HUNK: variants seen among roughly 807,000 people sequenced by gnomAD.
The protein encoded by HUNK is hormonally up-regulated Neu-associated kinase, also known as hormonally up-regulated neu tumor-associated kinase.
A neutral mutation model predicts 61.0 loss-of-function variants in HUNK; 21 were observed. That is an observed-to-expected ratio of 0.34 (90% CI 0.24 to 0.50). HUNK has a LOEUF of 0.50. HUNK is among the 20% of genes least tolerant of loss of function. HUNK has a pLI of 0.98. For missense variants in HUNK, 772 were observed against 945.7 expected (o/e 0.82, Z 2.41); for synonymous variants, 371 against 386.1 (o/e 0.96, Z 0.46).
chr21:31,900,451 A>ACACACACG (rs1380116386), intron 1 of HUNK, among the ~76,000 whole-genome samples: 1 of 150,782 alleles, frequency 6.6e-6, no homozygotes, highest in Non-Finnish European at 1.5e-5. Context: ...ACTGAAACAC[A>ACACACACG]CACACACACA....
At chr21:31,911,921 A>T (rs2052548210) in intron 1 of HUNK, among the ~76,000 whole-genome samples, 1 of 37,794 alleles carries the variant, frequency 2.6e-5, no homozygotes, top group Non-Finnish European at 4.8e-5. Flanking sequence ...GCTGGACGGC[A>T]AGCAGGGACG....
chr21:31,892,606 A>AT (rs1397709653), intron 1 of HUNK, among the ~76,000 whole-genome samples: 5 of 151,890 alleles, frequency 3.3e-5, no homozygotes, highest in Non-Finnish European at 7.4e-5. Flanking sequence ...AGAAAAAAAA[A>AT]GAAATGGTAG....
intron 1 of HUNK, among the ~76,000 whole-genome samples, chr21:31,916,427 G>T (rs1185596877): frequency 6.6e-6 from 1 of 152,012 alleles, no homozygotes; most frequent in Non-Finnish European, 1.5e-5. Context: ...GTGCATTACT[G>T]GGCCTGGGTG....
intron 4 of HUNK, among the ~76,000 whole-genome samples, chr21:31,954,246 C>CG (rs2052872442): frequency 6.6e-6 from 1 of 152,180 alleles, no homozygotes; most frequent in Non-Finnish European, 1.5e-5. Flanking sequence ...GGACAGGAAG[C>CG]TAGGTGTGCC....
chr21:31,983,908 A>T (rs1261568269), intron 8 of HUNK, among the ~76,000 whole-genome samples: 1 of 152,126 alleles, frequency 6.6e-6, no homozygotes, highest in Non-Finnish European at 1.5e-5. Flanking sequence ...GGGTATCAGG[A>T]GTTTTTAAAG....
chr21:31,982,425 A>G (rs987701903), intron 7 of HUNK, among the ~76,000 whole-genome samples: 3 of 152,216 alleles, frequency 2.0e-5, no homozygotes, highest in Non-Finnish European at 4.4e-5. Context: ...TATTAATTTT[A>G]TCAACCAATT....
At chr21:31,937,456 A>AT (rs1265898376) in intron 2 of HUNK, among the ~76,000 whole-genome samples, 4 of 152,262 alleles carry the variant, frequency 2.6e-5, no homozygotes, top group Admixed American at 2.0e-4. Context: ...ATTTATGGAG[A>AT]TTTTAAATGG....
At chr21:31,957,009 A>AT (rs769645948) in intron 4 of HUNK, among the ~76,000 whole-genome samples, 5 of 152,128 alleles carry the variant, frequency 3.3e-5, no homozygotes, top group Non-Finnish European at 7.3e-5. Flanking sequence ...CCAGCCAAAG[A>AT]CACATGAGCT....
In HUNK at chr21:31,924,413, G is replaced by A. The variant is rs1374581829; in HGVS notation, c.262-55G>A. 6.6e-7 allele frequency: 1 copy of A among 1,522,426 alleles called. No individual in the cohort carries two copies. Among genetic ancestry groups the A allele is most frequent in the Non-Finnish European group, 8.9e-7 (1 of 1,123,296 alleles). 94.3% of individuals were successfully genotyped at this position (1,522,426 alleles called of 1,614,324 possible). A position where few individuals can be genotyped will look rare whatever the true frequency, so the allele number is the denominator to read the frequency against. On this transcript the variant is annotated intron_variant, in intron 1 of 10. Transcript: ENST00000270112. The surrounding 1 kb of genome is among the most constrained non-coding windows in gnomAD (Gnocchi z 5.1). The stretch of plus-strand genomic sequence containing the variant: ...TCTTGGGTTCCTGTGAGTAGCCAAG[G>A]CATCGCTATTGTCTGTAATGTCTGA...
intron 7 of HUNK, among the ~76,000 whole-genome samples, chr21:31,980,071 G>GTTTA (rs1329014314): frequency 1.4e-5 from 2 of 145,418 alleles, no homozygotes; most frequent in African/African-American, 5.0e-5. Context: ...TTGTTTGTTT[G>GTTTA]TTTATTTATT....
At chr21:31,878,008 C>T (rs2052277793) in intron 1 of HUNK, among the ~76,000 whole-genome samples, 1 of 152,114 alleles carries the variant, frequency 6.6e-6, no homozygotes, top group Non-Finnish European at 1.5e-5. Flanking sequence ...CCTGTAATCC[C>T]AGCACTTTGG....
In HUNK at chr21:32,003,895, C is replaced by G. The variant is rs1036279143; in HGVS notation, c.*4711C>G. 3 of 152,086 alleles carry G rather than the reference C, an allele frequency of 2.0e-5. No homozygotes were observed. Among genetic ancestry groups the G allele is most frequent in the African/African-American group, 7.2e-5 (3 of 41,402 alleles). The allele number at this position is 152,086 out of a possible 1,614,324, so 9.4% of individuals were successfully genotyped here. ...CCCTCCACATGTATCCACATCTGAG[C>G]TGGTGGTGTTCCAATAATGAGGCAT... On this transcript the variant is annotated 3_prime_UTR_variant, in exon 11 of 11. Coordinates refer to ENST00000270112, the MANE Select transcript of HUNK (RefSeq NM_014586.2).
At chr21:31,997,424 G>A (rs983889532) in intron 10 of HUNK, among the ~76,000 whole-genome samples, 1 of 152,158 alleles carries the variant, frequency 6.6e-6, no homozygotes, top group African/African-American at 2.4e-5. Context: ...AGGAAATCCT[G>A]GCACATGCTC....
At chr21:31,974,522 G>C (rs764964333) in intron 6 of HUNK, 33 bp from the exon 7 acceptor site, 1 of 1,596,790 alleles carries the variant, frequency 6.3e-7, no homozygotes, top group Non-Finnish European at 8.5e-7. Context: ...TGAAGTGCAG[G>C]GGTGACTGGT....
At chr21:31,895,164 GC>G (rs1742808420) in intron 1 of HUNK, among the ~76,000 whole-genome samples, 1 of 152,130 alleles carries the variant, frequency 6.6e-6, no homozygotes. Flanking sequence ...GTCACTCAAG[GC>G]CCAGGAGACA....
At chr21:31,902,073 A>G (rs777063672) in intron 1 of HUNK, among the ~76,000 whole-genome samples, 44 of 152,192 alleles carry the variant, frequency 2.9e-4, no homozygotes, top group Non-Finnish European at 4.4e-5. Flanking sequence ...AACTGGGACT[A>G]GTTTCATTGA....
chr21:31,894,055 C>G (rs763054605), intron 1 of HUNK, among the ~76,000 whole-genome samples: 18 of 152,304 alleles, frequency 1.2e-4, no homozygotes, highest in Non-Finnish European at 1.6e-4. Context: ...ACCTTTTCAA[C>G]TGCTTTTGGC....
chr21:31,949,876 G>C (rs77329056), intron 4 of HUNK, among the ~76,000 whole-genome samples: 3,534 of 152,214 alleles, frequency 0.023, 139 homozygotes, highest in African/African-American at 0.08. Flanking sequence ...GAGGTGCCAG[G>C]CTCTTTGTAA....
intron 1 of HUNK, among the ~76,000 whole-genome samples, chr21:31,922,745 G>A (rs1263144027): frequency 6.6e-6 from 1 of 152,078 alleles, no homozygotes; most frequent in South Asian, 2.1e-4. Flanking sequence ...AATAATATTT[G>A]AGCCCCTCAC....
Sources: gnomAD v4.1 joint callset for allele counts (sites outside exome capture counted in the v4.1 genomes callset) on GRCh38, gnomAD v4.1.1 for gene constraint, Gnocchi (gnomAD v3.1) non-coding constraint, MANE v1.5 for transcripts, NCBI Gene and HGNC (gene_info 2026-07-23, HGNC 2026-07-21) for gene names.